Variants in CAMTA1 observed in about 807,000 individuals in gnomAD.
The protein encoded by CAMTA1 is calmodulin-binding transcription activator 1.
A neutral mutation model predicts 170.9 loss-of-function variants in CAMTA1; 27 were observed. The observed-to-expected ratio is 0.16, with a 90% confidence interval of 0.12 to 0.22. CAMTA1 has a LOEUF of 0.22. CAMTA1 is among the 10% of genes least tolerant of loss of function. The pLI, the probability that CAMTA1 is intolerant of heterozygous loss-of-function variation, is 1.00. For missense variants in CAMTA1, 1,619 were observed against 2,217.2 expected (o/e 0.73, Z 5.42); for synonymous variants, 833 against 891.5 (o/e 0.93, Z 1.17).
intron 3 of CAMTA1, among the ~76,000 whole-genome samples, chr1:6,827,453 G>T (rs1005342889): frequency 3.3e-5 from 5 of 152,078 alleles, no homozygotes; most frequent in African/African-American, 1.2e-4. Context: ...TGGAAAAATA[G>T]AGGAATATTA....
At chr1:6,802,391 T>C (rs1445645280) in intron 1 of CAMTA1, among the ~76,000 whole-genome samples, 1 of 152,138 alleles carries the variant, frequency 6.6e-6, no homozygotes, top group South Asian at 2.1e-4. Flanking sequence ...ATAGGCCAGG[T>C]GATCATCTCA....
At chr1:7,650,661 C>T (rs557325989) in intron 7 of CAMTA1, among the ~76,000 whole-genome samples, 1 of 152,164 alleles carries the variant, frequency 6.6e-6, no homozygotes, top group African/African-American at 2.4e-5. Flanking sequence ...TAGGTCCCCG[C>T]ATGTGCACAC....
Position 7,007,543 on chromosome 1 carries a change from C to G in CAMTA1, c.235-83761C>G, listed in dbSNP as rs906343419. The stretch of plus-strand genomic sequence containing the variant: ...GGGATACCTGGCGTGGTCCTCCTGA[C>G]CGGGGCTCAGTTTACCTCCTGCTTC... On this transcript the variant is annotated intron_variant, in intron 3 of 22. Transcript: ENST00000303635. The surrounding 1 kb of genome is among the most constrained non-coding windows in gnomAD (Gnocchi z 4.5). 2.0e-5 allele frequency among the ~76,000 whole-genome samples: 3 copies of G among 152,202 alleles called. No individual in the cohort carries two copies. Among genetic ancestry groups the G allele is most frequent in the Non-Finnish European group, 2.9e-5 (2 of 68,024 alleles).
chr1:6,984,070 A>AAGGC (rs2100242038), intron 3 of CAMTA1, among the ~76,000 whole-genome samples: 1 of 126 alleles, frequency 7.9e-3, no homozygotes, highest in African/African-American at 0.022. Flanking sequence ...GGGTGGGTGG[A>AAGGC]TGGGTGGATA....
intron 5 of CAMTA1, among the ~76,000 whole-genome samples, chr1:7,419,014 A>G (rs2091385366): frequency 6.6e-6 from 1 of 152,098 alleles, no homozygotes; most frequent in Non-Finnish European, 1.5e-5. Context: ...ACTCAAATTA[A>G]AAGCCCAGTC....
chr1:7,766,039 A>C (rs1267284597), intron 22 of CAMTA1, among the ~76,000 whole-genome samples: 1 of 122,966 alleles, frequency 8.1e-6, no homozygotes, highest in Non-Finnish European at 1.6e-5. Flanking sequence ...AAAAAAAAAA[A>C]AAAAAACTAA....
chr1:6,800,430 T>A (rs1046074183), intron 1 of CAMTA1, among the ~76,000 whole-genome samples: 1 of 151,910 alleles, frequency 6.6e-6, no homozygotes, highest in Non-Finnish European at 1.5e-5. Flanking sequence ...TGTAAAAAAA[T>A]TTAAATTTAT....
intron 3 of CAMTA1, among the ~76,000 whole-genome samples, chr1:7,006,603 A>T (rs1455640042): frequency 6.6e-6 from 1 of 152,178 alleles, no homozygotes; most frequent in Non-Finnish European, 1.5e-5. Context: ...AACCCAGTTG[A>T]GGTGGGCTGA....
chr1:6,819,812 A>G (rs1010997189), intron 1 of CAMTA1, among the ~76,000 whole-genome samples: 11 of 152,226 alleles, frequency 7.2e-5, no homozygotes, highest in African/African-American at 2.4e-4. Context: ...AACCACAAGA[A>G]CAGTAATCAC....
At chr1:7,596,402 C>T (rs772293156) in intron 6 of CAMTA1, among the ~76,000 whole-genome samples, 58 of 152,186 alleles carry the variant, frequency 3.8e-4, no homozygotes, top group Non-Finnish European at 7.6e-4. Context: ...TTCTTGGCCC[C>T]GAATCTGCCC....
chr1:7,587,384 C>T (rs1380927362), intron 6 of CAMTA1, among the ~76,000 whole-genome samples: 2 of 152,084 alleles, frequency 1.3e-5, no homozygotes. Flanking sequence ...TCCATCTAAA[C>T]CCAATTACCG....
chr1:7,381,445 A>T (rs1484242834), intron 5 of CAMTA1, among the ~76,000 whole-genome samples: 1 of 151,272 alleles, frequency 6.6e-6, no homozygotes, highest in Admixed American at 6.6e-5. Context: ...GAGAATGATG[A>T]TTTCCAATTT....
At chr1:7,223,402 G>A (rs1449302250) in intron 4 of CAMTA1, among the ~76,000 whole-genome samples, 1 of 152,084 alleles carries the variant, frequency 6.6e-6, no homozygotes, top group Non-Finnish European at 1.5e-5. Context: ...GTGTGTGTGA[G>A]TGTGTGATGG....
intron 6 of CAMTA1, among the ~76,000 whole-genome samples, chr1:7,474,026 C>T (rs914021792): frequency 8.5e-5 from 13 of 152,220 alleles, no homozygotes; most frequent in African/African-American, 2.4e-4. Context: ...GCTGCCCTTC[C>T]GGGGCCACCC....
chr1:7,522,392 C>T (rs974165685), intron 6 of CAMTA1, among the ~76,000 whole-genome samples: 3 of 152,156 alleles, frequency 2.0e-5, no homozygotes, highest in Non-Finnish European at 2.9e-5. Context: ...ATTCTCAGTA[C>T]GAGTCCTTTG....
chr1:7,535,500 A>G (rs1419567734), intron 6 of CAMTA1, among the ~76,000 whole-genome samples: 1 of 152,218 alleles, frequency 6.6e-6, no homozygotes, highest in East Asian at 1.9e-4. Context: ...GGCTGCGAGC[A>G]TGGCCCAGTC....
intron 5 of CAMTA1, among the ~76,000 whole-genome samples, chr1:7,381,709 A>T (rs1287005884): frequency 1.3e-5 from 2 of 149,340 alleles, no homozygotes; most frequent in Non-Finnish European, 3.0e-5. Context: ...TTCTAGTTCT[A>T]GATCCCTGAG....
chr1:7,169,646 A>G (rs1323345682), intron 4 of CAMTA1, among the ~76,000 whole-genome samples: 1 of 152,056 alleles, frequency 6.6e-6, no homozygotes, highest in Non-Finnish European at 1.5e-5. Context: ...TGAGTAGCTG[A>G]GACTACAGGC....
intron 6 of CAMTA1, among the ~76,000 whole-genome samples, chr1:7,551,637 C>T (rs1225724114): frequency 6.6e-6 from 1 of 152,232 alleles, no homozygotes; most frequent in Non-Finnish European, 1.5e-5. Flanking sequence ...TTTAATGCAA[C>T]CCGACTCCCC....
Sources: allele counts gnomAD v4.1 joint callset (sites outside exome capture counted in the v4.1 genomes callset), GRCh38; gene constraint gnomAD v4.1.1; non-coding constraint Gnocchi (gnomAD v3.1); transcripts MANE v1.5; gene names NCBI Gene and HGNC (gene_info 2026-07-23, HGNC 2026-07-21).